PLEKHA6: variants seen among roughly 807,000 people sequenced by gnomAD.
PLEKHA6 encodes pleckstrin homology domain-containing family A member 6.
PLEKHA6 carries 60 observed loss-of-function variants against 116.7 expected under a neutral mutation model. That is an observed-to-expected ratio of 0.51 (90% CI 0.42 to 0.64). The LOEUF is 0.64. PLEKHA6 is among the 30% of genes least tolerant of loss of function. The probability of loss-of-function intolerance (pLI) is 0.00; values close to 1 mark genes in which losing one functional copy is unlikely to be tolerated. For missense variants in PLEKHA6, 1,338 were observed against 1,422.7 expected (o/e 0.94, Z 0.96); for synonymous variants, 489 against 556.1 (o/e 0.88, Z 1.70).
At chr1:204,368,133 T>C (rs3014628) in intron 2 of PLEKHA6, among the ~76,000 whole-genome samples, 134,827 of 152,226 alleles carry the variant, frequency 0.89, 59,760 homozygotes, top group African/African-American at 0.92. Context: ...CCTGGCAGGA[T>C]GCACTTATTC....
In PLEKHA6 at chr1:204,228,493, C is replaced by T. The variant is rs1035540548; in HGVS notation, c.2885+235G>A. Among the ~76,000 whole-genome samples the T allele has an allele frequency of 2.6e-5, 4 of 152,000 alleles. No homozygotes were observed. Among genetic ancestry groups the T allele is most frequent in the Non-Finnish European group, 4.4e-5 (3 of 67,994 alleles). On this transcript the variant is annotated intron_variant, in intron 20 of 22. Transcript: ENST00000272203. This position sits in a 1 kb window ranked among gnomAD's most constrained non-coding sequence, Gnocchi z 4.0. Reference sequence around the variant, plus strand: ...AAGGGGAAAAGAAGTCACCAGAGGGCGAGCCTTCAGTTTTGTCTCGATGGT... The same window carrying T: ...AAGGGGAAAAGAAGTCACCAGAGGGTGAGCCTTCAGTTTTGTCTCGATGGT...
chr1:204,320,209 C>T (rs1672008454), intron 1 of PLEKHA6, among the ~76,000 whole-genome samples: 1 of 152,208 alleles, frequency 6.6e-6, no homozygotes, highest in Admixed American at 6.5e-5. Context: ...TCCATGTCCA[C>T]CTATTTAATG....
intron 1 of PLEKHA6, among the ~76,000 whole-genome samples, chr1:204,281,646 T>C (rs1668630886): frequency 1.3e-5 from 2 of 152,134 alleles, no homozygotes; most frequent in African/African-American, 4.8e-5. Flanking sequence ...AAGATCAAAA[T>C]ACCAGTTCTC....
chr1:204,342,881 G>A lies in PLEKHA6; in HGVS notation c.-95+16813C>T, dbSNP rs112692631. On this transcript the variant is annotated intron_variant, in intron 1 of 22. Transcript: ENST00000272203. The stretch of plus-strand genomic sequence containing the variant: ...CACTGAAAGAAAGAAAAGACCCATG[G>A]GGAGGGAATTTTATTTTAGCCCCGT... 4.1e-3 allele frequency among the ~76,000 whole-genome samples: 618 copies of A among 152,324 alleles called. 1 individual carries two copies. Among genetic ancestry groups the A allele is most frequent in the Non-Finnish European group, 6.0e-3 (405 of 68,020 alleles).
In PLEKHA6 at chr1:204,233,336, T is replaced by C. The variant is rs540516163; in HGVS notation, c.2410-2750A>G. ...GGATATAGGTATGCACCACCACACC[T>C]GGCTAATTTTTTTTTTTTTTTTGAG... is the stretch of plus-strand genomic sequence containing the variant. On this transcript the variant is annotated intron_variant, in intron 17 of 22. Transcript: ENST00000272203. Among the ~76,000 whole-genome samples, 48 of 136,588 alleles carry C rather than the reference T, an allele frequency of 3.5e-4. 1 individual carries two copies. In the South Asian group the frequency reaches 0.011, roughly 31 times the overall value. 89.6% of individuals were successfully genotyped at this position (136,588 alleles called of 152,430 possible).
At chr1:204,325,597 A>G (rs1404336296) in intron 1 of PLEKHA6, among the ~76,000 whole-genome samples, 1 of 152,176 alleles carries the variant, frequency 6.6e-6, no homozygotes, top group Non-Finnish European at 1.5e-5. Flanking sequence ...CACACACGTT[A>G]CTGTGGGCAA....
chr1:204,286,899 C>A (rs1426055481), intron 1 of PLEKHA6, among the ~76,000 whole-genome samples: 1 of 152,200 alleles, frequency 6.6e-6, no homozygotes, highest in African/African-American at 2.4e-5. Context: ...TCTGCTCTCG[C>A]CCTGCTGGGT....
chr1:204,327,557 A>C (rs1398295140), intron 1 of PLEKHA6, among the ~76,000 whole-genome samples: 1 of 152,250 alleles, frequency 6.6e-6, no homozygotes, highest in African/African-American at 2.4e-5. Flanking sequence ...CCTTGCAAGC[A>C]GACTTCCTCA....
chr1:204,312,351 G>A (rs1373921493), intron 1 of PLEKHA6, among the ~76,000 whole-genome samples: 1 of 152,158 alleles, frequency 6.6e-6, no homozygotes, highest in Non-Finnish European at 1.5e-5. Context: ...ACCCTCTGGG[G>A]GTGTTCAGGC....
At chr1:204,313,239 C>T (rs532941363) in intron 1 of PLEKHA6, among the ~76,000 whole-genome samples, 21 of 152,176 alleles carry the variant, frequency 1.4e-4, no homozygotes, top group African/African-American at 4.8e-4. Context: ...TTCCAAAGCT[C>T]AGCTCCAAAT....
chr1:204,341,180 G>A lies in PLEKHA6; in HGVS notation c.-95+18514C>T, dbSNP rs547741719. On this transcript the variant is annotated intron_variant, in intron 1 of 22. Transcript: ENST00000272203. ...GCCCCCAGGAATCCTCTTGGATCAG[G>A]AAGGCAGATCATGGTTGTTAGAGAT... 1.6e-3 allele frequency among the ~76,000 whole-genome samples: 241 copies of A among 152,360 alleles called. 2 individuals carry two copies. The highest frequency in any genetic ancestry group is 6.8e-3 in the Middle Eastern group (2 of 294).
In PLEKHA6 at chr1:204,252,384, CA is replaced by C. The variant is rs756413925; in HGVS notation, c.1525-1771del. On this transcript the variant is annotated intron_variant, in intron 9 of 22. Transcript: ENST00000272203. ...GGGAAAGGAGGGGTGGGAGAAAGGG[CA>C]GGCCAACCAATCAACCAGAAATGCC... Among the ~76,000 whole-genome samples, 6 of 151,966 alleles carry C rather than the reference CA, an allele frequency of 3.9e-5. No homozygotes were observed. In the East Asian group the frequency reaches 1.2e-3, roughly 29 times the overall value.
chr1:204,292,943 G>C (rs150668695), intron 1 of PLEKHA6, among the ~76,000 whole-genome samples: 317 of 152,248 alleles, frequency 2.1e-3, no homozygotes, highest in African/African-American at 7.2e-3. Flanking sequence ...ACACGGCTGC[G>C]TTCCAGGCCT....
chr1:204,255,357 T>C lies in PLEKHA6; in HGVS notation c.1524+1996A>G, dbSNP rs185394932. Among the ~76,000 whole-genome samples the C allele has an allele frequency of 7.9e-5, 12 of 152,308 alleles. No individual in the cohort carries two copies. The East Asian group carries it at 2.3e-3, about 29-fold the overall frequency. ...CACCTGCCCCCTGGGGGCAGTTCCA[T>C]CTGAGCTGAGCACTGGAGAAATAAG... On this transcript the variant is annotated intron_variant, in intron 9 of 22. Transcript: ENST00000272203.
chr1:204,327,915 CTG>C (rs1344239919), intron 1 of PLEKHA6, among the ~76,000 whole-genome samples: 1 of 152,250 alleles, frequency 6.6e-6, no homozygotes, highest in Non-Finnish European at 1.5e-5. Context: ...CTCTGACTCA[CTG>C]TGTTTCTGAA....
chr1:204,347,776 A>G (rs980765137), intron 1 of PLEKHA6, among the ~76,000 whole-genome samples: 4 of 152,140 alleles, frequency 2.6e-5, no homozygotes, highest in African/African-American at 9.7e-5. Flanking sequence ...CCGCAACAAA[A>G]GGTCACCCTG....
intron 1 of PLEKHA6, among the ~76,000 whole-genome samples, chr1:204,319,727 A>G (rs1671988429): frequency 6.6e-6 from 1 of 152,138 alleles, no homozygotes; most frequent in Non-Finnish European, 1.5e-5. Context: ...TGTCTTACTC[A>G]TCTTTGCATT....
intron 9 of PLEKHA6, among the ~76,000 whole-genome samples, chr1:204,253,855 AAC>A (rs1664910186): frequency 2.0e-5 from 3 of 150,862 alleles, no homozygotes; most frequent in Non-Finnish European, 3.0e-5. Flanking sequence ...AAAAAACAAA[AAC>A]AAAAACAAAC....
intron 2 of PLEKHA6, among the ~76,000 whole-genome samples, chr1:204,370,134 TTTGC>T (rs1373729374): frequency 3.3e-5 from 5 of 152,240 alleles, no homozygotes; most frequent in Non-Finnish European, 7.3e-5. Flanking sequence ...ATGACACCAC[TTTGC>T]TTATTAGTCA....
Sources: allele counts gnomAD v4.1 joint callset (sites outside exome capture counted in the v4.1 genomes callset), GRCh38; gene constraint gnomAD v4.1.1; non-coding constraint Gnocchi (gnomAD v3.1); transcripts MANE v1.5; gene names NCBI Gene and HGNC (gene_info 2026-07-23, HGNC 2026-07-21).